CXorf38: variants seen among roughly 807,000 people sequenced by gnomAD.
CXorf38 encodes chromosome X open reading frame 38.
Under a neutral mutation model 27.5 loss-of-function variants are expected in CXorf38, and 13 were observed. The ratio of observed to expected loss-of-function variants is 0.47; its 90% confidence interval spans 0.31 to 0.75. CXorf38 has a LOEUF of 0.75. CXorf38 is among the 30% of genes least tolerant of loss of function. The pLI, the probability that CXorf38 is intolerant of heterozygous loss-of-function variation, is 0.05. For synonymous variants in CXorf38, 100 were observed against 99.8 expected (o/e 1.00, Z -0.01); for missense variants, 240 against 253.2 (o/e 0.95, Z 0.35).
chrX:40,637,092 C>T lies in CXorf38; in HGVS notation c.536G>A (p.Arg179Gln), dbSNP rs1309308943. 8.3e-6 allele frequency: 10 copies of T among 1,202,003 alleles called. No homozygotes were observed. Among genetic ancestry groups the T allele is most frequent in the African/African-American group, 5.3e-5 (3 of 56,974 alleles). Residue 179 changes from arginine to glutamine, a missense_variant, in exon 4 of 7, where the codon CGA becomes CAA. By Grantham distance (43) the Arg-to-Gln change is conservative. Transcript: ENST00000327877. ...ATTTTGGATCTTCATCTGAAAATCTCGAAGCCACGTAGAAGATACTTTCAT... is the reference window on the plus strand; with the variant it reads ...ATTTTGGATCTTCATCTGAAAATCTTGAAGCCACGTAGAAGATACTTTCAT... ...SEMKVSSTWL[R>Q]DFQMKIQNFL... is the part of the protein sequence containing the mutation.
chrX:40,633,728 G>C (rs972850904), intron 5 of CXorf38, among the ~76,000 whole-genome samples: 3 of 112,143 alleles, frequency 2.7e-5, no homozygotes. Flanking sequence ...ACAGGTCTCT[G>C]TGAAGGTGGC....
intron 2 of CXorf38, chrX:40,640,206 A>G: frequency 3.1e-6 from 1 of 319,909 alleles, no homozygotes; most frequent in Non-Finnish European, 6.0e-6. Flanking sequence ...GGTGTGTGCT[A>G]TAGTCCCAGG....
chrX:40,632,328 C>A (rs891418146), intron 5 of CXorf38, among the ~76,000 whole-genome samples: 1 of 111,892 alleles, frequency 8.9e-6, no homozygotes, highest in African/African-American at 3.3e-5. Flanking sequence ...CTCCTGACCC[C>A]CCCTGCAGAC....
rs926742276 is a variant in CXorf38, at chrX:40,628,759, G to C, written c.*1405C>G. ...TGTGAATACTCCCAAGCTATGAGGG[G>C]ACCCTTCAGTCAAATATTCACTGAG... On this transcript the variant is annotated 3_prime_UTR_variant, in exon 7 of 7. Coordinates refer to ENST00000327877, the MANE Select transcript of CXorf38 (RefSeq NM_144970.3). 8.9e-6 allele frequency: 1 copy of C among 111,888 alleles called. No individual in the cohort carries two copies. Among genetic ancestry groups the C allele is most frequent in the Non-Finnish European group, 1.9e-5 (1 of 53,161 alleles). 9.2% of individuals were successfully genotyped at this position (111,888 alleles called of 1,213,427 possible).
intron 2 of CXorf38, among the ~76,000 whole-genome samples, chrX:40,642,005 T>TATA (rs1928344277): frequency 1.8e-5 from 2 of 111,679 alleles, no homozygotes; most frequent in African/African-American, 6.5e-5. Flanking sequence ...AGGCAAGGGT[T>TATA]ATAGAACGAT....
At chrX:40,640,376 A>G in intron 2 of CXorf38, 1 of 237,387 alleles carries the variant, frequency 4.2e-6, no homozygotes, top group Non-Finnish European at 7.8e-6. Flanking sequence ...CTTTTATTTA[A>G]GAGACCTGTT....
At position 40,627,364 on chromosome X, in the gene CXorf38, T is replaced by C. The variant is rs1380361404; in HGVS notation, c.*2800A>G. 1 of 111,954 alleles carries C rather than the reference T, an allele frequency of 8.9e-6. No homozygotes were observed. Among genetic ancestry groups the C allele is most frequent in the Non-Finnish European group, 1.9e-5 (1 of 53,183 alleles). The allele number at this position is 111,954 out of a possible 1,213,427, so 9.2% of individuals were successfully genotyped here. ...CGCCACCACGCCCAGCTAATTTTTGTAGTTTTAGTAGAGACAGCGTTTCGC... is the reference window on the plus strand; with the variant it reads ...CGCCACCACGCCCAGCTAATTTTTGCAGTTTTAGTAGAGACAGCGTTTCGC... On this transcript the variant is annotated 3_prime_UTR_variant, in exon 7 of 7. Coordinates refer to ENST00000327877, the MANE Select transcript of CXorf38 (RefSeq NM_144970.3).
intron 5 of CXorf38, among the ~76,000 whole-genome samples, chrX:40,634,573 G>A (rs960584853): frequency 1.8e-5 from 2 of 112,132 alleles, no homozygotes; most frequent in African/African-American, 6.5e-5. Flanking sequence ...TTTCTTAGAA[G>A]TAACTGAAAT....
intron 5 of CXorf38, among the ~76,000 whole-genome samples, chrX:40,633,826 G>C (rs1481505931): frequency 9.0e-6 from 1 of 111,410 alleles, no homozygotes; most frequent in East Asian, 2.8e-4. Context: ...TGTGCTCAAT[G>C]TTCTTTAGTT....
intron 2 of CXorf38, among the ~76,000 whole-genome samples, chrX:40,645,400 C>T (rs1164083161): frequency 9.0e-6 from 1 of 111,386 alleles, no homozygotes; most frequent in Non-Finnish European, 1.9e-5. Context: ...GTACAGGCTA[C>T]AAGAGGATTC....
intron 1 of CXorf38, 55 bp downstream of exon 1, chrX:40,647,250 G>T: frequency 9.0e-7 from 1 of 1,116,528 alleles, no homozygotes. Context: ...ACAGGAACGG[G>T]GATGAGGAGG....
At position 40,647,052 on chromosome X, in the gene CXorf38, G is replaced by C. The variant is rs762021259; in HGVS notation, c.306C>G (p.Asn102Lys). The part of the protein sequence containing the change: ...VNRNGDVHWG[N>K]CRPGRWPVDA... Reference sequence around the variant, plus strand: ...CCACGGGCCAGCGGCCCGGCCGGCAGTTTCCCCAGTGCACATCTCCATTTC... The same window carrying C: ...CCACGGGCCAGCGGCCCGGCCGGCACTTTCCCCAGTGCACATCTCCATTTC... Residue 102 changes from asparagine (N) to lysine (K), a missense_variant, in exon 2 of 7, where the codon AAC becomes AAG. Asn to Lys is a moderately conservative substitution (Grantham distance 94). Coordinates refer to ENST00000327877, the MANE Select transcript of CXorf38 (RefSeq NM_144970.3). The C allele has an allele frequency of 3.3e-6, 4 of 1,211,900 alleles. No homozygotes were observed. Among genetic ancestry groups the C allele is most frequent in the Non-Finnish European group, 3.4e-6 (3 of 895,358 alleles).
chrX:40,637,750 T>C (rs1928138896), intron 3 of CXorf38, among the ~76,000 whole-genome samples: 1 of 112,012 alleles, frequency 8.9e-6, no homozygotes, highest in Admixed American at 9.5e-5. Context: ...ATTCTAGGAA[T>C]AAAAAGATGG....
intron 5 of CXorf38, among the ~76,000 whole-genome samples, chrX:40,632,482 C>T (rs1400460975): frequency 1.8e-5 from 2 of 111,793 alleles, no homozygotes; most frequent in Non-Finnish European, 3.8e-5. Context: ...AACTTGTTTT[C>T]TCCTTTGTGA....
At chrX:40,634,051 T>G (rs1472687542) in intron 5 of CXorf38, among the ~76,000 whole-genome samples, 1 of 111,796 alleles carries the variant, frequency 8.9e-6, no homozygotes, top group African/African-American at 3.3e-5. Flanking sequence ...GCACAGTGTA[T>G]TTTAATGTGA....
chrX:40,640,939 C>CAAAA (rs148737476), intron 2 of CXorf38, among the ~76,000 whole-genome samples: 2 of 51,341 alleles, frequency 3.9e-5, no homozygotes, highest in Admixed American at 2.8e-4. Context: ...GACTCTGTCT[C>CAAAA]AAAAAAAAAA....
rs752311318 is a variant in CXorf38, at chrX:40,647,089, T to A, written c.269A>T (p.His90Leu). 5.0e-6 allele frequency: 6 copies of A among 1,212,007 alleles called. No individual in the cohort carries two copies. In the South Asian group the frequency reaches 1.1e-4, roughly 21 times the overall value. ...CAEWKREILRHHVNRNGDVHW... is the reference protein window; with the variant it reads ...CAEWKREILRLHVNRNGDVHW... The stretch of plus-strand genomic sequence containing the variant: ...CACATCTCCATTTCTGTTGACATGA[T>A]GTCTCAAAATCTCCCTTTTCCATTC... The change falls in exon 2 of 7, where the codon CAT becomes CTT. Residue 90 changes from histidine to leucine, a missense_variant. Physicochemically the swap from His to Leu is moderately conservative, Grantham distance 99. Transcript: ENST00000327877.
rs764110605 is a variant in CXorf38 at position 40,643,587 on chromosome X, C to T, written c.351+3420G>A. ...GCAATAGCACAATCTCAGCTCACCG[C>T]AACCTCCACTTCCCAGGTTCAAGTG... On this transcript the variant is annotated intron_variant, in intron 2 of 6. Coordinates refer to ENST00000327877, the MANE Select transcript of CXorf38 (RefSeq NM_144970.3). Among the ~76,000 whole-genome samples, 17 of 111,623 alleles carry T rather than the reference C, an allele frequency of 1.5e-4. No individual in the cohort carries two copies. The South Asian group carries it at 6.3e-3, about 42-fold the overall frequency.
chrX:40,639,838 A>G (rs1477173944), intron 2 of CXorf38: 1 of 130,652 alleles, frequency 7.7e-6, no homozygotes, highest in Admixed American at 8.3e-5. Flanking sequence ...GGGAGATACT[A>G]GATATGCCAG....
Sources: gnomAD v4.1 joint callset for allele counts (sites outside exome capture counted in the v4.1 genomes callset) on GRCh38, gnomAD v4.1.1 for gene constraint, MANE v1.5 for transcripts, NCBI Gene and HGNC (gene_info 2026-07-23, HGNC 2026-07-21) for gene names.